Variants in PITPNM1 observed in about 807,000 individuals in gnomAD.
The protein encoded by PITPNM1 is membrane-associated phosphatidylinositol transfer protein 1.
A neutral mutation model predicts 133.3 loss-of-function variants in PITPNM1; 74 were observed. That is an observed-to-expected ratio of 0.56 (90% CI 0.46 to 0.67). The LOEUF (loss-of-function observed/expected upper bound fraction) is 0.67, where lower values mean the gene tolerates loss of function less well. Among genes scored for constraint, PITPNM1 ranks in the 30% least tolerant of loss-of-function variants. The pLI, the probability that PITPNM1 is intolerant of heterozygous loss-of-function variation, is 0.00. For missense variants in PITPNM1, 1,398 were observed against 1,739.5 expected, an observed-to-expected ratio of 0.80 and a Z score of 3.49; for synonymous variants, 738 against 741.4, an observed-to-expected ratio of 1.00 and a Z score of 0.08.
At chr11:67,496,018 T>G (rs1020824952) in intron 15 of PITPNM1, among the ~76,000 whole-genome samples, 160 bp downstream of exon 15, 2 of 152,188 alleles carry the variant, frequency 1.3e-5, no homozygotes, top group Non-Finnish European at 2.9e-5. Flanking sequence ...CAGAGGGTCC[T>G]GGGGATCCAG....
At chr11:67,492,375 C>A in intron 23 of PITPNM1, 79 bp from the exon 24 acceptor site, 4 of 1,395,896 alleles carry the variant, frequency 2.9e-6, no homozygotes, top group Non-Finnish European at 9.5e-7. Context: ...TCCAGAGGCA[C>A]CTGAGGCAGG....
At position 67,491,815 on chromosome 11, in the gene PITPNM1, A is replaced by G; in HGVS notation, c.*218T>C. 3.4e-6 allele frequency: 2 copies of G among 582,244 alleles called. No individual in the cohort carries two copies. Among genetic ancestry groups the G allele is most frequent in the Non-Finnish European group, 6.1e-6 (2 of 329,070 alleles). 36.1% of individuals were successfully genotyped at this position (582,244 alleles called of 1,614,324 possible). ...TTCATGGATTTATACACACTGGAAA[A>G]GCCTCTGCGCCCATGCCCACGCCCT... On this transcript the variant is annotated 3_prime_UTR_variant, in exon 24 of 24. Transcript: ENST00000356404.
At chr11:67,499,032 G>A (rs745985887) in intron 8 of PITPNM1, 31 bp from the exon 9 acceptor site, 55 of 1,592,182 alleles carry the variant, frequency 3.5e-5, no homozygotes, top group Non-Finnish European at 4.3e-5. Context: ...TGAGAGGGAC[G>A]GAGAGGACCA....
intron 14 of PITPNM1, 47 bp from the exon 15 acceptor site, chr11:67,496,395 T>G (rs1216122418): frequency 6.6e-7 from 1 of 1,522,978 alleles, no homozygotes; most frequent in Non-Finnish European, 8.8e-7. Context: ...GGGTTTCAGC[T>G]GGGCACTCTG....
In PITPNM1 at chr11:67,496,255, T is replaced by C. The variant is rs200421878; in HGVS notation, c.2240A>G (p.Lys747Arg). 323 of 1,558,366 alleles carry C rather than the reference T, an allele frequency of 2.1e-4. No homozygotes were observed. The highest frequency in any genetic ancestry group is 2.6e-4 in the Non-Finnish European group (307 of 1,160,204). ...ASRLEPLLAP[K>R]FQAIAPLTVP... ...GGTCAGTGGGGCGATGGCCTGGAAC[T>C]TCGGGGCCAGCAGGGGCTCGAGGCG... The change falls in exon 15 of 24, where the codon AAG (lysine) becomes AGG (arginine). Residue 747 changes from lysine (K) to arginine (R), a missense_variant. Around this residue, in one of 5 missense-constraint regions of PITPNM1, gnomAD observed 574 missense variants for 698.7 expected, o/e 0.82. Transcript: ENST00000356404.
chr11:67,494,312 G>C lies in PITPNM1; in HGVS notation c.2791C>G (p.Arg931Gly). ...AAGCGCCCGCTTAGCACCTGGGGGCGGCCCTCGCACACCACCGTGTCGCTC... is the reference window on the plus strand; with the variant it reads ...AAGCGCCCGCTTAGCACCTGGGGGCCGCCCTCGCACACCACCGTGTCGCTC... ...RASDTVVCEG[R>G]PQVLSGRFMY... Residue 931 changes from arginine to glycine, a missense_variant, in exon 19 of 24, where the codon CGC (arginine) becomes GGC (glycine). This residue lies in a region of PITPNM1 where 233 missense variants were observed against 378.0 expected (regional missense o/e 0.62). Transcript: ENST00000356404. The C allele has an allele frequency of 6.2e-7, 1 of 1,611,948 alleles. No individual in the cohort carries two copies. Among genetic ancestry groups the C allele is most frequent in the Non-Finnish European group, 8.5e-7 (1 of 1,179,558 alleles).
In PITPNM1 at chr11:67,502,813, C is replaced by A; in HGVS notation, c.79-95G>T. 2 of 1,240,536 alleles carry A rather than the reference C, an allele frequency of 1.6e-6. No homozygotes were observed. The highest frequency in any genetic ancestry group is 1.5e-5 in the African/African-American group (1 of 67,438). The allele number at this position is 1,240,536 out of a possible 1,614,324, so 76.8% of individuals were successfully genotyped here. A position where few individuals can be genotyped will look rare whatever the true frequency, so the allele number is the denominator to read the frequency against. On this transcript the variant is annotated intron_variant, in intron 2 of 23. Coordinates refer to ENST00000356404, the MANE Select transcript of PITPNM1 (RefSeq NM_004910.3). The surrounding 1 kb of genome is among the most constrained non-coding windows in gnomAD (Gnocchi z 5.9). ...TGGTGTTCTACACAGCTCTGGGGCC[C>A]TGGTCCCAGCCTTTTCAACTCCCTG...
At chr11:67,499,488 A>T (rs2134309158) in intron 8 of PITPNM1, among the ~76,000 whole-genome samples, 1 of 148,928 alleles carries the variant, frequency 6.7e-6, no homozygotes, top group East Asian at 2.0e-4. Flanking sequence ...GCATTCAGGG[A>T]GTCCAAATTA....
At position 67,498,807 on chromosome 11, in the gene PITPNM1, C is replaced by T. The variant is rs370162006; in HGVS notation, c.1273G>A (p.Ala425Thr). ...AGGATAAGGAAGAGGGCGTGGACTG[C>T]GCATGCCTCAGCCCCCAGCTCCCCG... ...GAGELGAEACAVHALFLILHS... is the reference protein window; with the variant it reads ...GAGELGAEACTVHALFLILHS... The change falls in exon 10 of 24, where the codon GCA becomes ACA. Residue 425 changes from alanine to threonine, a missense_variant. Ala to Thr is a moderately conservative substitution (Grantham distance 58). Coordinates refer to ENST00000356404, the MANE Select transcript of PITPNM1 (RefSeq NM_004910.3). This position sits in a 1 kb window ranked among gnomAD's most constrained non-coding sequence, Gnocchi z 5.7. The T allele has an allele frequency of 1.4e-5, 22 of 1,611,962 alleles. No homozygotes were observed. Among genetic ancestry groups the T allele is most frequent in the South Asian group, 6.6e-5 (6 of 91,068 alleles).
chr11:67,498,621 C>T lies in PITPNM1; in HGVS notation c.1459G>A (p.Ala487Thr), dbSNP rs372455862. ...TTGGAGACAAGGGCATAGGCGGCGG[C>T]GCAGATGGGTGGACAGGGCACCAGT... is the stretch of plus-strand genomic sequence containing the variant. Reference protein sequence around the residue: ...LRLVPCPPICAAAYALVSNLS... With the variant: ...LRLVPCPPICTAAYALVSNLS... The change falls in exon 10 of 24, where the codon GCC becomes ACC. Residue 487 changes from alanine to threonine, a missense_variant. Physicochemically the swap from Ala to Thr is moderately conservative, Grantham distance 58. Coordinates refer to ENST00000356404, the MANE Select transcript of PITPNM1 (RefSeq NM_004910.3). The surrounding 1 kb of genome is among the most constrained non-coding windows in gnomAD (Gnocchi z 5.7). 7.5e-6 allele frequency: 12 copies of T among 1,598,100 alleles called. No homozygotes were observed. Among genetic ancestry groups the T allele is most frequent in the Middle Eastern group, 1.8e-4 (1 of 5,580 alleles).
chr11:67,494,442 G>A, intron 18 of PITPNM1, 82 bp from the exon 19 acceptor site: 3 of 868,566 alleles, frequency 3.5e-6, no homozygotes, highest in Non-Finnish European at 5.2e-6. Flanking sequence ...GGATCCACAC[G>A]CAAACACCGG....
chr11:67,491,935 G>T lies in PITPNM1; in HGVS notation c.*98C>A. On this transcript the variant is annotated 3_prime_UTR_variant, in exon 24 of 24. Coordinates refer to ENST00000356404, the MANE Select transcript of PITPNM1 (RefSeq NM_004910.3). ...AGGGTGTGGGGCTGGGGGGGCCAGC[G>T]CTGGGGCCAAAAGTCTGGGTCCCCA... The T allele has an allele frequency of 7.2e-7, 1 of 1,380,692 alleles. No individual in the cohort carries two copies. Among genetic ancestry groups the T allele is most frequent in the South Asian group, 1.3e-5 (1 of 75,120 alleles). The allele number at this position is 1,380,692 out of a possible 1,614,324, so 85.5% of individuals were successfully genotyped here.
chr11:67,497,181 G>T, intron 14 of PITPNM1, 50 bp downstream of exon 14: 1 of 1,458,566 alleles, frequency 6.9e-7, no homozygotes, highest in Non-Finnish European at 9.3e-7. Context: ...AGGTGGGGAA[G>T]GAAGGGGCAG....
At chr11:67,500,864 G>A (rs1866301074) in intron 5 of PITPNM1, among the ~76,000 whole-genome samples, 1 of 152,252 alleles carries the variant, frequency 6.6e-6, no homozygotes, top group Non-Finnish European at 1.5e-5. Flanking sequence ...CCCATTCTGG[G>A]ATATTTTTAT....
intron 8 of PITPNM1, 48 bp from the exon 9 acceptor site, chr11:67,499,049 T>C: frequency 6.4e-7 from 1 of 1,553,968 alleles, no homozygotes; most frequent in Non-Finnish European, 8.7e-7. Context: ...ACCACTGGGA[T>C]CCCCTCATCT....
chr11:67,504,345 G>A lies in PITPNM1; in HGVS notation c.-41-124C>T. 1 of 326,504 alleles carries A rather than the reference G, an allele frequency of 3.1e-6. No homozygotes were observed. The highest frequency in any genetic ancestry group is 5.4e-6 in the Non-Finnish European group (1 of 184,616). The allele number at this position is 326,504 out of a possible 1,614,324, so 20.2% of individuals were successfully genotyped here. A position where few individuals can be genotyped will look rare whatever the true frequency, so the allele number is the denominator to read the frequency against. On this transcript the variant is annotated intron_variant, in intron 1 of 23. Coordinates refer to ENST00000356404, the MANE Select transcript of PITPNM1 (RefSeq NM_004910.3). The surrounding 1 kb of genome is among the most constrained non-coding windows in gnomAD (Gnocchi z 5.4). ...CCGGGCCCGCCACGAGGGAGGCAGA[G>A]GCGAGCCTAGCACCGCCGCCCGCGC...
rs772499879 is a variant in PITPNM1 at position 67,492,010 on chromosome 11, C to T, written c.*23G>A. ...CCCCTTGGGTGTGTCAATAAATAAC[C>T]CAGGTCCAGGCTGGTGTGGGCCTCA... On this transcript the variant is annotated 3_prime_UTR_variant, in exon 24 of 24. Coordinates refer to ENST00000356404, the MANE Select transcript of PITPNM1 (RefSeq NM_004910.3). 14 of 1,606,062 alleles carry T rather than the reference C, an allele frequency of 8.7e-6. No homozygotes were observed. The Admixed American group carries it at 1.3e-4, about 15-fold the overall frequency.
Position 67,499,798 on chromosome 11 carries a change from TG to T in PITPNM1, c.1095del (p.Lys366ArgfsTer3). ...TTGGAGTTCCACTTGGTCATCTCCT[TG>T]GGGAAGACCTCCTCACTGTCCGAGA... ...EGFSDSEEVF[P>X]KEMTKWNSND... On this transcript the variant is annotated frameshift_variant, in exon 8 of 24. Coordinates refer to ENST00000356404, the MANE Select transcript of PITPNM1 (RefSeq NM_004910.3). LOFTEE classifies it high-confidence loss of function. 3 of 1,550,582 alleles carry T rather than the reference TG, an allele frequency of 1.9e-6. No individual in the cohort carries two copies. Among genetic ancestry groups the T allele is most frequent in the Non-Finnish European group, 2.6e-6 (3 of 1,142,760 alleles).
rs746004553 is a variant in PITPNM1 at position 67,502,068 on chromosome 11, C to A, written c.434G>T (p.Arg145Leu). Residue 145 changes from arginine (R) to leucine (L), a missense_variant, in exon 5 of 24, where the codon CGG becomes CTG. By Grantham distance (102) the Arg-to-Leu change is moderately radical. Coordinates refer to ENST00000356404, the MANE Select transcript of PITPNM1 (RefSeq NM_004910.3). The surrounding 1 kb of genome is among the most constrained non-coding windows in gnomAD (Gnocchi z 5.9). ...GTACTCGCCTGGGGCCACTGCATCC[C>A]GCACGATGTCGATGGTGTCTGAGGG... ...QRILDTIDIV[R>L]DAVAPGEYKA... 6 of 1,612,352 alleles carry A rather than the reference C, an allele frequency of 3.7e-6. No homozygotes were observed. The highest frequency in any genetic ancestry group is 4.2e-6 in the Non-Finnish European group (5 of 1,179,518).
Sources: allele counts gnomAD v4.1 joint callset (sites outside exome capture counted in the v4.1 genomes callset), GRCh38; gene constraint gnomAD v4.1.1; regional missense constraint gnomAD v4.1.1; non-coding constraint Gnocchi (gnomAD v3.1); transcripts MANE v1.5; gene names NCBI Gene and HGNC (gene_info 2026-07-23, HGNC 2026-07-21).